GFPT1: variants seen among roughly 807,000 people sequenced by gnomAD.
The protein encoded by GFPT1 is glutamine--fructose-6-phosphate aminotransferase [isomerizing] 1.
GFPT1 carries 40 observed loss-of-function variants against 92.0 expected under a neutral mutation model. The observed-to-expected ratio is 0.43, with a 90% CI of 0.34 to 0.57. The LOEUF (loss-of-function observed/expected upper bound fraction) is 0.57, where lower values mean the gene tolerates loss of function less well. Among genes scored for constraint, GFPT1 ranks in the 20% least tolerant of loss-of-function variants. The pLI, the probability that GFPT1 is intolerant of heterozygous loss-of-function variation, is 0.02. For synonymous variants in GFPT1, 269 were observed against 280.6 expected (o/e 0.96, Z 0.41); for missense variants, 448 against 869.1 (o/e 0.52, Z 6.09).
chr2:69,375,648 A>T (rs1451959193), intron 1 of GFPT1, among the ~76,000 whole-genome samples: 1 of 152,192 alleles, frequency 6.6e-6, no homozygotes, highest in Non-Finnish European at 1.5e-5. Context: ...AAAGATACAC[A>T]CACACCTTAC....
intron 15 of GFPT1, among the ~76,000 whole-genome samples, chr2:69,330,619 A>G (rs1286364464): frequency 6.6e-6 from 1 of 151,812 alleles, no homozygotes; most frequent in Non-Finnish European, 1.5e-5. Context: ...AGAAAAGTAA[A>G]CAGAAATAAT....
intron 1 of GFPT1, among the ~76,000 whole-genome samples, chr2:69,381,376 A>C (rs1351691252): frequency 1.3e-5 from 2 of 152,162 alleles, no homozygotes; most frequent in African/African-American, 2.4e-5. Context: ...CCAAGCCTCA[A>C]GTGATCCTCC....
chr2:69,354,513 G>C lies in GFPT1; in HGVS notation c.661C>G (p.His221Asp). 6.2e-7 allele frequency: 1 copy of C among 1,604,092 alleles called. No homozygotes were observed. Among genetic ancestry groups the C allele is most frequent in the South Asian group, 1.1e-5 (1 of 90,864 alleles). Reference sequence around the variant, plus strand: ...CCTGTTCTGTAGAGTATAGGAATGTGATCAGTAGAAAGTTTATGTTCACTC... The same window carrying C: ...CCTGTTCTGTAGAGTATAGGAATGTCATCAGTAGAAAGTTTATGTTCACTC... ...VRSEHKLSTDHIPILYRTART... is the reference protein window; with the variant it reads ...VRSEHKLSTDDIPILYRTART... Residue 221 changes from histidine to aspartate, a missense_variant, in exon 8 of 20, where the codon CAC becomes GAC. His to Asp is a moderately conservative substitution (Grantham distance 81). This residue lies in a region of GFPT1 where 118 missense variants were observed against 192.9 expected (regional missense o/e 0.61). Coordinates refer to ENST00000357308, the MANE Select transcript of GFPT1 (RefSeq NM_001244710.2).
intron 1 of GFPT1, 38 bp from the exon 2 acceptor site, chr2:69,374,151 T>TA (rs771635979): frequency 2.4e-5 from 25 of 1,022,066 alleles, no homozygotes; most frequent in Non-Finnish European, 3.2e-5. Context: ...AATTCTGATT[T>TA]AAAAAATCAA....
At chr2:69,332,616 T>C (rs1006745696) in intron 15 of GFPT1, among the ~76,000 whole-genome samples, 4 of 152,270 alleles carry the variant, frequency 2.6e-5, no homozygotes, top group African/African-American at 9.6e-5. Flanking sequence ...CTAGTAAGTC[T>C]TTCTTAATGG....
intron 12 of GFPT1, among the ~76,000 whole-genome samples, chr2:69,343,272 G>A (rs1245744379): frequency 6.6e-6 from 1 of 152,164 alleles, no homozygotes; most frequent in African/African-American, 2.4e-5. Context: ...TAGTGGTCAA[G>A]GCACTGAGAG....
intron 9 of GFPT1, 82 bp downstream of exon 9, chr2:69,354,177 T>C: frequency 3.2e-6 from 3 of 937,354 alleles, no homozygotes; most frequent in Non-Finnish European, 3.2e-6. Flanking sequence ...GCACATTCAT[T>C]CACTCCAAGA....
At chr2:69,363,447 T>A in intron 4 of GFPT1, 98 bp downstream of exon 4, 2 of 1,288,942 alleles carry the variant, frequency 1.6e-6, no homozygotes, top group Non-Finnish European at 2.2e-6. Flanking sequence ...ATTTTCCAGA[T>A]GAAAAATTAT....
chr2:69,333,015 ACACCTATTATATTC>A (rs1670708289), intron 15 of GFPT1, among the ~76,000 whole-genome samples: 1 of 152,080 alleles, frequency 6.6e-6, no homozygotes, highest in African/African-American at 2.4e-5. Context: ...GCCTCCCTGT[ACACCTATTATATTC>A]CACCAGCAGA....
In GFPT1 at chr2:69,326,989, G is replaced by A; in HGVS notation, c.1980C>T (p.Asp660=). The A allele has an allele frequency of 6.2e-6, 10 of 1,614,150 alleles. No individual in the cohort carries two copies. Among genetic ancestry groups the A allele is most frequent in the Non-Finnish European group, 8.5e-6 (10 of 1,179,980 alleles). The change falls in exon 19 of 20, where the codon GAC becomes GAT. Residue 660 remains aspartate, a synonymous_variant. Transcript: ENST00000357308. ...TCACGCTGAGAATGCCCTGCAAGCA[G>A]TCCACTGAGTGGGGCACCTTGATCG... ...KRTIKVPHSV[D]CLQGILSVIP...
chr2:69,385,898 A>G (rs1672118050), intron 1 of GFPT1, among the ~76,000 whole-genome samples: 1 of 152,114 alleles, frequency 6.6e-6, no homozygotes, highest in Admixed American at 6.5e-5. Flanking sequence ...AAATGAGCAT[A>G]AAGTTAAATA....
chr2:69,369,983 T>C lies in GFPT1; in HGVS notation c.223+18A>G. On this transcript the variant is annotated intron_variant, in intron 3 of 19. Coordinates refer to ENST00000357308, the MANE Select transcript of GFPT1 (RefSeq NM_001244710.2). ...AAGAGAAGGGGAAAGGGGACAAAAA[T>C]CAAATTAAGTACGTTACTGTGAACT... 2 of 1,355,722 alleles carry C rather than the reference T, an allele frequency of 1.5e-6. No individual in the cohort carries two copies. The highest frequency in any genetic ancestry group is 1.1e-6 in the Non-Finnish European group (1 of 944,002). The allele number at this position is 1,355,722 out of a possible 1,614,324, so 84.0% of individuals were successfully genotyped here.
intron 5 of GFPT1, 34 bp downstream of exon 5, chr2:69,359,233 CA>C: frequency 1.7e-6 from 2 of 1,172,700 alleles, no homozygotes; most frequent in South Asian, 2.4e-5. Context: ...GAAGTATTCT[CA>C]AAGACTGGGG....
chr2:69,345,032 A>C (rs982128193), intron 12 of GFPT1, among the ~76,000 whole-genome samples: 28 of 152,220 alleles, frequency 1.8e-4, no homozygotes, highest in African/African-American at 6.3e-4. Flanking sequence ...AAATACCATA[A>C]AAGAATTTAC....
intron 4 of GFPT1, among the ~76,000 whole-genome samples, chr2:69,360,139 TC>T (rs921817719): frequency 6.6e-6 from 1 of 151,948 alleles, no homozygotes; most frequent in African/African-American, 2.4e-5. Flanking sequence ...ACCATCCTGT[TC>T]AACATGGCGA....
At chr2:69,338,193 T>C in intron 14 of GFPT1, 138 bp from the exon 15 acceptor site, 1 of 856,514 alleles carries the variant, frequency 1.2e-6, no homozygotes, top group East Asian at 2.6e-5. Context: ...CTTAATAAAT[T>C]TATAAAACTT....
intron 4 of GFPT1, 147 bp from the exon 5 acceptor site, chr2:69,359,473 T>C: frequency 1.7e-6 from 1 of 598,774 alleles, no homozygotes; most frequent in East Asian, 3.1e-5. Context: ...TTACATCTAC[T>C]TCTCATTTAC....
intron 14 of GFPT1, among the ~76,000 whole-genome samples, 191 bp from the exon 15 acceptor site, chr2:69,338,246 T>C (rs772253652): frequency 3.9e-5 from 6 of 152,248 alleles, no homozygotes; most frequent in Non-Finnish European, 7.3e-5. Flanking sequence ...TTCTCTGTCA[T>C]TGAAAATCCA....
At chr2:69,385,296 G>C (rs1672105445) in intron 1 of GFPT1, among the ~76,000 whole-genome samples, 1 of 152,020 alleles carries the variant, frequency 6.6e-6, no homozygotes, top group African/African-American at 2.4e-5. Context: ...CGCGATCCCG[G>C]CTCACTGCAA....
Sources: allele counts gnomAD v4.1 joint callset (sites outside exome capture counted in the v4.1 genomes callset), GRCh38; gene constraint gnomAD v4.1.1; regional missense constraint gnomAD v4.1.1; transcripts MANE v1.5; gene names NCBI Gene and HGNC (gene_info 2026-07-23, HGNC 2026-07-21).